NUP35: variants seen among roughly 807,000 people sequenced by gnomAD.
NUP35 encodes nucleoporin NUP35.
A neutral mutation model predicts 41.5 loss-of-function variants in NUP35; 25 were observed. That is an observed-to-expected ratio of 0.60 (90% confidence interval 0.44 to 0.84). The LOEUF (loss-of-function observed/expected upper bound fraction) is 0.84, where lower values mean the gene tolerates loss of function less well. Ranked by LOEUF, NUP35 falls within the 40% of genes least tolerant of loss-of-function variation. NUP35 has a pLI of 0.00. For missense variants in NUP35, 396 were observed against 396.6 expected (o/e 1.00, Z 0.01); for synonymous variants, 149 against 130.7 (o/e 1.14, Z -0.96).
At chr2:183,124,263 C>A, upstream of NUP35, 1 of 1,366,726 alleles carries the variant, frequency 7.3e-7, no homozygotes, top group Non-Finnish European at 9.6e-7. Context: ...GTGCAAAAAC[C>A]CTTTCCTCGG....
intron 1 of NUP35, chr2:183,118,232 G>A (rs773440942): frequency 1.3e-5 from 2 of 152,226 alleles, no homozygotes; most frequent in Admixed American, 6.5e-5. Context: ...TATTTAGTGC[G>A]TTCAGAATAG....
chr2:183,118,990 T>G (rs1700029456), intron 1 of NUP35: 1 of 152,176 alleles, frequency 6.6e-6, no homozygotes, highest in Admixed American at 6.6e-5. Context: ...TCACTGGAAG[T>G]GTTCTTCCCT....
rs536334882 is a variant in NUP35 at position 183,145,216 on chromosome 2, G to C, written c.398-6292G>C. Among the ~76,000 whole-genome samples, 37 of 152,300 alleles carry C rather than the reference G, an allele frequency of 2.4e-4. 3 individuals are homozygous for C. The South Asian group carries it at 7.7e-3, about 32-fold the overall frequency. On this transcript the variant is annotated intron_variant, in intron 4 of 8. Coordinates refer to ENST00000295119, the MANE Select transcript of NUP35 (RefSeq NM_138285.5). ...TAAGTAGATTCTTAAAAATATAACA[G>C]CACTTGTCAAAGTGGGATGTTTCAT...
Position 183,130,541 on chromosome 2 carries a change from G to T in NUP35, c.335G>T (p.Arg112Ile). ...GGATCAACACCTTTAACTTCAAGAA[G>T]ACAGGTAATATAAATACCCTTTTGA... ...GLGSTPLTSR[R>I]QPNISVMQSP... The change falls in exon 3 of 9, where the codon AGA (arginine) becomes ATA (isoleucine). Residue 112 changes from arginine (R) to isoleucine (I), a missense_variant. Transcript: ENST00000295119. The T allele has an allele frequency of 6.2e-7, 1 of 1,613,244 alleles. No homozygotes were observed. Among genetic ancestry groups the T allele is most frequent in the Non-Finnish European group, 8.5e-7 (1 of 1,179,666 alleles).
At chr2:183,123,825 G>T (rs1700102894), upstream of NUP35, 1 of 985,126 alleles carries the variant, frequency 1.0e-6, no homozygotes, top group Admixed American at 6.2e-5. Context: ...GAGGGTTCGT[G>T]GGTGCGTATA....
intron 4 of NUP35, among the ~76,000 whole-genome samples, chr2:183,150,618 CTG>C (rs147059156): frequency 0.032 from 4,919 of 151,908 alleles, 95 homozygotes; most frequent in Non-Finnish European, 0.043. Context: ...TTTTTTTTCT[CTG>C]TAGGATTTTT....
At chr2:183,139,003 C>T (rs1684990430) in intron 4 of NUP35, among the ~76,000 whole-genome samples, 2 of 152,020 alleles carry the variant, frequency 1.3e-5, no homozygotes, top group African/African-American at 4.8e-5. Context: ...GTCTTTATTA[C>T]CTGATTATGA....
intron 4 of NUP35, among the ~76,000 whole-genome samples, chr2:183,137,418 A>G (rs866992206): frequency 6.6e-6 from 1 of 151,944 alleles, no homozygotes; most frequent in Middle Eastern, 3.4e-3. Context: ...CTGTCTGTAC[A>G]AAAAAAAATT....
chr2:183,125,265 G>C (rs1396498806), intron 1 of NUP35, among the ~76,000 whole-genome samples: 1 of 151,814 alleles, frequency 6.6e-6, no homozygotes, highest in Non-Finnish European at 1.5e-5. Flanking sequence ...CACTTTAACA[G>C]CACGCGGATT....
chr2:183,151,123 G>A (rs1284953913), intron 4 of NUP35, among the ~76,000 whole-genome samples: 1 of 152,204 alleles, frequency 6.6e-6, no homozygotes, highest in African/African-American at 2.4e-5. Flanking sequence ...TTCGGATTTT[G>A]TTCTGTGGGT....
At chr2:183,144,364 C>T (rs1181693843) in intron 4 of NUP35, among the ~76,000 whole-genome samples, 3 of 152,196 alleles carry the variant, frequency 2.0e-5, no homozygotes, top group African/African-American at 7.2e-5. Context: ...CTCCAGTCTT[C>T]CTCCTCTTGT....
In NUP35 at chr2:183,130,430, C is replaced by G; in HGVS notation, c.224C>G (p.Pro75Arg). Residue 75 changes from proline to arginine, a missense_variant, in exon 3 of 9, where the codon CCA becomes CGA. Transcript: ENST00000295119. ...RSPLLAGGSP[P>R]QPVVPAHKDK... ...TTGTACACTGTAGGTGGGTCACCAC[C>G]ACAACCAGTTGTACCAGCTCATAAA... The G allele has an allele frequency of 6.2e-7, 1 of 1,603,266 alleles. No individual in the cohort carries two copies. Among genetic ancestry groups the G allele is most frequent in the Non-Finnish European group, 8.5e-7 (1 of 1,176,606 alleles).
intron 3 of NUP35, chr2:183,131,110 G>A: frequency 3.1e-6 from 1 of 326,630 alleles, no homozygotes; most frequent in South Asian, 2.5e-5. Flanking sequence ...TGTCCTATTG[G>A]GATATAGGCA....
chr2:183,124,574 AGTC>A (rs1700121995), intron 1 of NUP35, 77 bp downstream of exon 1: 6 of 1,572,364 alleles, frequency 3.8e-6, no homozygotes, highest in Non-Finnish European at 5.2e-6. Flanking sequence ...ACTGAAAGGC[AGTC>A]GTCAGGCTCT....
intron 4 of NUP35, among the ~76,000 whole-genome samples, chr2:183,143,969 A>G (rs1383474388): frequency 6.6e-6 from 1 of 152,220 alleles, no homozygotes; most frequent in Admixed American, 6.5e-5. Flanking sequence ...ACTAGCTGTT[A>G]AGTTTGGGAT....
intron 4 of NUP35, among the ~76,000 whole-genome samples, chr2:183,134,319 C>T (rs1268856785): frequency 6.6e-6 from 1 of 151,744 alleles, no homozygotes; most frequent in Non-Finnish European, 1.5e-5. Context: ...GCAGAATTTA[C>T]ATTTATAAAC....
Position 183,128,401 on chromosome 2 carries a change from G to T in NUP35, c.155G>T (p.Arg52Leu). 1 of 1,613,758 alleles carries T rather than the reference G, an allele frequency of 6.2e-7. No homozygotes were observed. The highest frequency in any genetic ancestry group is 8.5e-7 in the Non-Finnish European group (1 of 1,179,872). ...DLPAPVTPQP[R>L]SISGPSVGVM... is the part of the protein sequence containing the mutation. ...CCAGCTCCGGTGACTCCACAACCTC[G>T]ATCAATTAGTGGCCCTTCAGTAGGA... The change falls in exon 2 of 9, where the codon CGA (arginine) becomes CTA (leucine). Residue 52 changes from arginine (R) to leucine (L), a missense_variant. Arg to Leu is a moderately radical substitution (Grantham distance 102, BLOSUM62 -2). Coordinates refer to ENST00000295119, the MANE Select transcript of NUP35 (RefSeq NM_138285.5).
intron 1 of NUP35, among the ~76,000 whole-genome samples, chr2:183,126,497 T>C (rs1015943080): frequency 6.6e-6 from 1 of 152,226 alleles, no homozygotes; most frequent in Admixed American, 6.5e-5. Flanking sequence ...TGTTTAGACT[T>C]TTGGTTTGAT....
chr2:183,138,993 G>A (rs1435747114), intron 4 of NUP35, among the ~76,000 whole-genome samples: 1 of 152,002 alleles, frequency 6.6e-6, no homozygotes, highest in East Asian at 1.9e-4. Flanking sequence ...GCTCTCATCT[G>A]TCTTTATTAC....
Sources: gnomAD v4.1 joint callset for allele counts (sites outside exome capture counted in the v4.1 genomes callset) on GRCh38, gnomAD v4.1.1 for gene constraint, MANE v1.5 for transcripts, NCBI Gene and HGNC (gene_info 2026-07-23, HGNC 2026-07-21) for gene names.